The following SLC22A15 variants were observed in gnomAD, a reference collection of about 807,000 sequenced individuals.
The protein encoded by SLC22A15 is solute carrier family 22 member 15, also known as flipt 1.
Under a neutral mutation model 62.7 loss-of-function variants are expected in SLC22A15, and 45 were observed. The observed-to-expected ratio is 0.72, with a 90% confidence interval of 0.56 to 0.92. The LOEUF (loss-of-function observed/expected upper bound fraction) is 0.92, where lower values mean the gene tolerates loss of function less well. Among genes scored for constraint, SLC22A15 ranks in the 40% least tolerant of loss-of-function variants. The probability of loss-of-function intolerance (pLI) is 0.00; values close to 1 mark genes in which losing one functional copy is unlikely to be tolerated. For synonymous variants in SLC22A15, 264 were observed against 267.0 expected, an observed-to-expected ratio of 0.99 and a Z score of 0.11; for missense variants, 622 against 665.6, an observed-to-expected ratio of 0.93 and a Z score of 0.72.
chr1:116,012,265 C>G (rs1385666946), intron 2 of SLC22A15, among the ~76,000 whole-genome samples: 8 of 152,008 alleles, frequency 5.3e-5, no homozygotes, highest in Admixed American at 5.2e-4. Context: ...AGAAGTTGCT[C>G]AGAGTAGAGG....
intron 2 of SLC22A15, among the ~76,000 whole-genome samples, chr1:115,995,887 G>A (rs1655398767): frequency 6.6e-6 from 1 of 152,142 alleles, no homozygotes; most frequent in South Asian, 2.1e-4. Flanking sequence ...AAATAATACA[G>A]AGAAATTTTG....
intron 1 of SLC22A15, among the ~76,000 whole-genome samples, chr1:115,978,068 C>T (rs946533836): frequency 6.6e-6 from 1 of 152,154 alleles, no homozygotes; most frequent in African/African-American, 2.4e-5. Context: ...GTATTTAATA[C>T]CGAGAAAGAA....
chr1:116,032,306 C>G, intron 6 of SLC22A15: 3 of 985,320 alleles, frequency 3.0e-6, no homozygotes, highest in Non-Finnish European at 3.6e-6. Context: ...TGGGTGCATA[C>G]AATTTGTGGA....
chr1:115,985,775 T>C (rs1654827336), intron 1 of SLC22A15, among the ~76,000 whole-genome samples: 1 of 151,428 alleles, frequency 6.6e-6, no homozygotes, highest in Non-Finnish European at 1.5e-5. Context: ...GGTGAAACCC[T>C]GTCTCTACTA....
intron 10 of SLC22A15, among the ~76,000 whole-genome samples, chr1:116,065,589 C>T (rs12082153): frequency 0.017 from 2,602 of 151,610 alleles, 73 homozygotes; most frequent in African/African-American, 0.06. Context: ...AGAGATTCTC[C>T]TCCTCCCTCT....
At chr1:116,049,134 A>G (rs1177818269) in intron 8 of SLC22A15, among the ~76,000 whole-genome samples, 4 of 152,250 alleles carry the variant, frequency 2.6e-5, no homozygotes, top group African/African-American at 9.6e-5. Context: ...TGAGATAGAC[A>G]GCAACATAAT....
At chr1:115,981,128 T>C (rs1189417772) in intron 1 of SLC22A15, among the ~76,000 whole-genome samples, 1 of 152,200 alleles carries the variant, frequency 6.6e-6, no homozygotes, top group Non-Finnish European at 1.5e-5. Flanking sequence ...TGATGAGATA[T>C]GGCTGAGATC....
intron 8 of SLC22A15, among the ~76,000 whole-genome samples, chr1:116,043,900 A>T (rs1428925547): frequency 2.0e-5 from 3 of 152,210 alleles, no homozygotes; most frequent in Non-Finnish European, 4.4e-5. Context: ...AAGCTTACTT[A>T]AAAACATATA....
At chr1:116,016,294 A>G (rs889025938) in intron 2 of SLC22A15, among the ~76,000 whole-genome samples, 7 of 151,722 alleles carry the variant, frequency 4.6e-5, no homozygotes, top group African/African-American at 1.7e-4. Context: ...GCTCACTGTA[A>G]TGGCTCACTG....
At chr1:116,014,022 G>C (rs1206956846) in intron 2 of SLC22A15, 1 of 152,178 alleles carries the variant, frequency 6.6e-6, no homozygotes, top group Non-Finnish European at 1.5e-5. Flanking sequence ...AGCTAAAGCA[G>C]CTTTTCTTGA....
intron 2 of SLC22A15, among the ~76,000 whole-genome samples, chr1:116,012,677 C>T (rs1656331853): frequency 6.6e-6 from 1 of 152,198 alleles, no homozygotes; most frequent in African/African-American, 2.4e-5. Context: ...AACAAAAGAT[C>T]AGCCAAATAT....
intron 1 of SLC22A15, among the ~76,000 whole-genome samples, chr1:115,989,014 C>T (rs765478266): frequency 6.6e-6 from 1 of 152,056 alleles, no homozygotes; most frequent in Non-Finnish European, 1.5e-5. Flanking sequence ...AGGCTAACAC[C>T]GTTTTATTGA....
chr1:116,015,088 G>A (rs1656459100), intron 2 of SLC22A15: 1 of 151,998 alleles, frequency 6.6e-6, no homozygotes, highest in South Asian at 2.1e-4. Flanking sequence ...TTTTAAAATT[G>A]GGCAAAACAA....
chr1:116,035,228 CG>C lies in SLC22A15; in HGVS notation c.989del (p.Gly330ValfsTer3). 6.2e-7 allele frequency: 1 copy of C among 1,613,176 alleles called. No individual in the cohort carries two copies. Among genetic ancestry groups the C allele is most frequent in the Non-Finnish European group, 8.5e-7 (1 of 1,179,464 alleles). ...SLVYYGLTLS[A>X]GDLGGSIYAN... ...GTGTATTATGGCCTAACTCTGAGTG[CG>C]GGTGATCTAGGTGGAAGTATTTATG... On this transcript the variant is annotated frameshift_variant, in exon 7 of 12. Coordinates refer to ENST00000369503, the MANE Select transcript of SLC22A15 (RefSeq NM_018420.3). LOFTEE classifies it high-confidence loss of function.
chr1:116,055,722 T>C (rs1283277745), intron 8 of SLC22A15, among the ~76,000 whole-genome samples: 1 of 151,344 alleles, frequency 6.6e-6, no homozygotes, highest in East Asian at 1.9e-4. Context: ...CAAGTGGGTT[T>C]CATCCCTGGG....
intron 6 of SLC22A15, among the ~76,000 whole-genome samples, chr1:116,034,128 T>C (rs940310753): frequency 1.4e-4 from 21 of 152,162 alleles, no homozygotes; most frequent in Admixed American, 8.5e-4. Flanking sequence ...GTCCCCTTAA[T>C]AAACACTGAT....
intron 8 of SLC22A15, among the ~76,000 whole-genome samples, chr1:116,061,237 C>T (rs1163085926): frequency 6.6e-6 from 1 of 152,094 alleles, no homozygotes; most frequent in African/African-American, 2.4e-5. Context: ...AAGTAAGCAG[C>T]CACAAGGCAG....
chr1:116,056,143 A>G (rs1658201182), intron 8 of SLC22A15, among the ~76,000 whole-genome samples: 1 of 151,986 alleles, frequency 6.6e-6, no homozygotes, highest in Non-Finnish European at 1.5e-5. Flanking sequence ...ACATGATTGT[A>G]TATCTAGAAA....
At chr1:116,016,157 C>A (rs572377501) in intron 2 of SLC22A15, among the ~76,000 whole-genome samples, 3 of 150,112 alleles carry the variant, frequency 2.0e-5, no homozygotes, top group Non-Finnish European at 4.4e-5. Flanking sequence ...TCTTCTATCC[C>A]TCTCTTCTCT....
Sources: gnomAD v4.1 joint callset for allele counts (sites outside exome capture counted in the v4.1 genomes callset) on GRCh38, gnomAD v4.1.1 for gene constraint, MANE v1.5 for transcripts, NCBI Gene and HGNC (gene_info 2026-07-23, HGNC 2026-07-21) for gene names.